SEL1L3: variants seen among roughly 807,000 people sequenced by gnomAD.
The protein encoded by SEL1L3 is SEL1L family member 3.
In SEL1L3, 76 loss-of-function variants were observed where a neutral mutation model predicts 142.8. The ratio of observed to expected loss-of-function variants is 0.53; its 90% CI spans 0.44 to 0.64. The LOEUF (loss-of-function observed/expected upper bound fraction) is 0.64. SEL1L3 is among the 30% of genes least tolerant of loss of function. SEL1L3 has a pLI of 0.00. For synonymous variants in SEL1L3, 504 were observed against 519.6 expected, an observed-to-expected ratio of 0.97 and a Z score of 0.41; for missense variants, 1,262 against 1,381.7, an observed-to-expected ratio of 0.91 and a Z score of 1.37.
the SEL1L3 span, among the ~76,000 whole-genome samples, chr4:25,742,032 G>C: frequency 6.7e-6 from 1 of 150,042 alleles, no homozygotes; most frequent in Admixed American, 6.7e-5. Context: ...GGCTGGTCTC[G>C]AACTCTTGTC....
Position 25,847,340 on chromosome 4 carries a change from A to G in SEL1L3, c.687T>C (p.Ile229=), listed in dbSNP as rs1432762441. The G allele has an allele frequency of 1.2e-6, 2 of 1,613,814 alleles. No homozygotes were observed. Among genetic ancestry groups the G allele is most frequent in the Non-Finnish European group, 1.7e-6 (2 of 1,179,880 alleles). Residue 229 remains isoleucine, a synonymous_variant, in exon 2 of 24, where the codon ATT becomes ATC. Coordinates refer to ENST00000399878, the MANE Select transcript of SEL1L3 (RefSeq NM_015187.5). ...GAATCCTGTTTGCCCGAAGGTTCCA[A>G]ATATAACCCATGTTCCACTCAAGGC... The part of the protein sequence containing the change: ...QVCLEWNMGY[I]WNLRANRIPQ...
At chr4:25,803,019 C>T (rs1486168703) in intron 10 of SEL1L3, among the ~76,000 whole-genome samples, 7 of 152,200 alleles carry the variant, frequency 4.6e-5, no homozygotes, top group Admixed American at 4.6e-4. Context: ...TTCATGACTT[C>T]TATTGCAGCA....
the SEL1L3 span, among the ~76,000 whole-genome samples, chr4:25,715,957 A>T: frequency 6.6e-6 from 1 of 152,158 alleles, no homozygotes; most frequent in Non-Finnish European, 1.5e-5. Context: ...ACCTTTTACT[A>T]TATGCTCTTT....
At chr4:25,758,846 T>A in intron 21 of SEL1L3, 95 bp downstream of exon 21, 6 of 1,282,464 alleles carry the variant, frequency 4.7e-6, no homozygotes, top group Non-Finnish European at 6.4e-6. Flanking sequence ...ACAATTTACA[T>A]TACAATATAA....
intron 1 of SEL1L3, among the ~76,000 whole-genome samples, chr4:25,849,403 T>C (rs1365456942): frequency 2.0e-5 from 3 of 152,044 alleles, no homozygotes; most frequent in Admixed American, 6.6e-5. Flanking sequence ...TTTGAGGAGA[T>C]GAGGCTAAGG....
intron 12 of SEL1L3, among the ~76,000 whole-genome samples, chr4:25,789,857 C>T (rs1712167138): frequency 6.6e-6 from 1 of 152,170 alleles, no homozygotes; most frequent in Non-Finnish European, 1.5e-5. Flanking sequence ...AGAGAGGGTG[C>T]TTCCCCAGCC....
At chr4:25,756,341 G>A (rs1717957575) in intron 23 of SEL1L3, 1 of 985,192 alleles carries the variant, frequency 1.0e-6, no homozygotes, top group Non-Finnish European at 1.2e-6. Context: ...ACACGACTGG[G>A]GCCTTCCTCT....
chr4:25,781,882 T>C (rs6826169), intron 15 of SEL1L3, among the ~76,000 whole-genome samples: 31,930 of 152,138 alleles, frequency 0.21, 3,532 homozygotes, highest in Middle Eastern at 0.28. Flanking sequence ...CTGGACTTAG[T>C]TCTCTTTGCT....
intron 23 of SEL1L3, among the ~76,000 whole-genome samples, chr4:25,754,605 C>T (rs1291854206): frequency 1.3e-5 from 2 of 150,438 alleles, no homozygotes; most frequent in African/African-American, 2.4e-5. Context: ...TTTTCTTTTT[C>T]TTTTTTTTTA....
chr4:25,784,504 C>A (rs1711647130), intron 13 of SEL1L3, among the ~76,000 whole-genome samples: 1 of 152,228 alleles, frequency 6.6e-6, no homozygotes, highest in Non-Finnish European at 1.5e-5. Context: ...CAAACCTCAA[C>A]TTCGCAGCTT....
intron 5 of SEL1L3, among the ~76,000 whole-genome samples, chr4:25,832,632 C>G (rs6837515): frequency 0.76 from 116,038 of 152,132 alleles, 44,907 homozygotes; most frequent in African/African-American, 0.9. Flanking sequence ...AAAAGTTGTA[C>G]ATCTGATTAC....
chr4:25,804,085 G>A (rs1214447588), intron 10 of SEL1L3, among the ~76,000 whole-genome samples: 1 of 152,170 alleles, frequency 6.6e-6, no homozygotes, highest in Non-Finnish European at 1.5e-5. Flanking sequence ...TAATAAATTT[G>A]GATTCAAAAC....
intron 16 of SEL1L3, among the ~76,000 whole-genome samples, chr4:25,777,458 G>C (rs1287738683): frequency 6.6e-6 from 1 of 152,068 alleles, no homozygotes; most frequent in African/African-American, 2.4e-5. Flanking sequence ...AGAAAGGATG[G>C]GGAGGCTCTG....
chr4:25,855,392 T>G (rs1218339941), intron 1 of SEL1L3, among the ~76,000 whole-genome samples: 1 of 152,224 alleles, frequency 6.6e-6, no homozygotes, highest in Non-Finnish European at 1.5e-5. Flanking sequence ...GTCCATGTCA[T>G]TGTTATGTTT....
At chr4:25,844,755 A>C (rs6448409) in intron 2 of SEL1L3, among the ~76,000 whole-genome samples, 47,232 of 152,086 alleles carry the variant, frequency 0.31, 8,088 homozygotes, top group African/African-American at 0.44. Flanking sequence ...GCCCCACGCT[A>C]TCTTCCCCTT....
At chr4:25,786,962 T>C (rs1434961737) in intron 13 of SEL1L3, among the ~76,000 whole-genome samples, 1 of 152,216 alleles carries the variant, frequency 6.6e-6, no homozygotes. Context: ...CTGGCCTTGT[T>C]TGAAGATGCT....
At chr4:25,777,683 G>C (rs1004904336) in intron 16 of SEL1L3, 1 of 380,028 alleles carries the variant, frequency 2.6e-6, no homozygotes, top group Non-Finnish European at 5.2e-6. Flanking sequence ...TCATTAACAA[G>C]AGGATAACAG....
rs1275160940 is a variant in SEL1L3 at position 25,747,490 on chromosome 4, T to C, written c.*935A>G. ...GTAAATAAAGTAGTGCAAAGAGTAG[T>C]TTGGACCCACAATATTGCATTACTG... On this transcript the variant is annotated 3_prime_UTR_variant, in exon 24 of 24. Transcript: ENST00000399878. The C allele has an allele frequency of 6.6e-6, 1 of 152,050 alleles. No individual in the cohort carries two copies. The highest frequency in any genetic ancestry group is 1.5e-5 in the Non-Finnish European group (1 of 68,016). The allele number at this position is 152,050 out of a possible 1,614,324, so 9.4% of individuals were successfully genotyped here. A position where few individuals can be genotyped will look rare whatever the true frequency, so the allele number is the denominator to read the frequency against.
At chr4:25,801,913 C>T (rs139547512) in intron 11 of SEL1L3, among the ~76,000 whole-genome samples, 76 of 152,264 alleles carry the variant, frequency 5.0e-4, no homozygotes, top group Middle Eastern at 6.8e-3. Flanking sequence ...CTGAATTTGA[C>T]CCAGTCCCAC....
Sources: allele counts gnomAD v4.1 joint callset (sites outside exome capture counted in the v4.1 genomes callset), GRCh38; gene constraint gnomAD v4.1.1; transcripts MANE v1.5; gene names NCBI Gene and HGNC (gene_info 2026-07-23, HGNC 2026-07-21).